Variants in DNAH3 observed in about 807,000 individuals in gnomAD.
DNAH3 encodes axonemal beta dynein heavy chain 3.
In DNAH3, 332 loss-of-function variants were observed where a neutral mutation model predicts 432.5. That is an observed-to-expected ratio of 0.77 (90% CI 0.70 to 0.84). The LOEUF is 0.84. Among genes scored for constraint, DNAH3 ranks in the 40% least tolerant of loss-of-function variants. The pLI, the probability that DNAH3 is intolerant of heterozygous loss-of-function variation, is 0.00. For synonymous variants in DNAH3, 1,956 were observed against 1,900.2 expected, an observed-to-expected ratio of 1.03 and a Z score of -0.76; for missense variants, 4,861 against 5,114.0, an observed-to-expected ratio of 0.95 and a Z score of 1.51.
intron 37 of DNAH3, among the ~76,000 whole-genome samples, chr16:21,029,850 G>C (rs536149484): frequency 6.6e-6 from 1 of 152,132 alleles, no homozygotes; most frequent in South Asian, 2.1e-4. Context: ...TTTGAGACAA[G>C]GTCTTTCTCT....
At chr16:21,043,612 T>C in intron 31 of DNAH3, among the ~76,000 whole-genome samples, 1 of 45,198 alleles carries the variant, frequency 2.2e-5, no homozygotes, top group African/African-American at 1.0e-4. Context: ...TTTTCTCCCA[T>C]TTTGTAGGTT....
intron 1 of DNAH3, among the ~76,000 whole-genome samples, chr16:21,157,617 A>G (rs1346683670): frequency 6.6e-6 from 1 of 152,114 alleles, no homozygotes; most frequent in African/African-American, 2.4e-5. Flanking sequence ...GGTGTGAGCC[A>G]CCGCACCCTG....
intron 3 of DNAH3, among the ~76,000 whole-genome samples, chr16:21,144,348 C>T (rs2092755991): frequency 6.6e-6 from 1 of 152,174 alleles, no homozygotes; most frequent in Non-Finnish European, 1.5e-5. Context: ...CTCCCCCTCC[C>T]TCGCTCTAAG....
chr16:21,028,543 C>T (rs2088694658), intron 37 of DNAH3, among the ~76,000 whole-genome samples: 1 of 150,936 alleles, frequency 6.6e-6, no homozygotes, highest in South Asian at 2.1e-4. Flanking sequence ...TGGTGGCACG[C>T]ATCTGTAATC....
At chr16:21,058,107 G>C (rs778531666) in exon 27 of DNAH3, 147 of 1,610,468 alleles carry the variant, frequency 9.1e-5, no homozygotes, top group Non-Finnish European at 1.1e-4. Flanking sequence ...TTTCCGCCAG[G>C]GCTTGGGACA....
chr16:21,033,608 C>A (rs2089006031), intron 36 of DNAH3, among the ~76,000 whole-genome samples: 1 of 152,030 alleles, frequency 6.6e-6, no homozygotes, highest in African/African-American at 2.4e-5. Context: ...GGGAAGGGAA[C>A]AGGAAAAGAA....
chr16:21,044,989 G>T (rs1027917231), intron 31 of DNAH3, among the ~76,000 whole-genome samples: 5 of 151,910 alleles, frequency 3.3e-5, no homozygotes, highest in East Asian at 1.9e-4. Context: ...TTGATTTGCG[G>T]ATATTGAACC....
chr16:20,952,689 A>T (rs2084369793), intron 55 of DNAH3, 140 bp from the exon 56 acceptor site: 1 of 608,210 alleles, frequency 1.6e-6, no homozygotes, highest in African/African-American at 1.8e-5. Context: ...GAGGCCAACT[A>T]TTAGCCTGGA....
At chr16:21,049,827 T>C in intron 30 of DNAH3, 83 bp downstream of exon 30, 1 of 1,384,146 alleles carries the variant, frequency 7.2e-7, no homozygotes, top group South Asian at 1.2e-5. Flanking sequence ...TGCTAAACCA[T>C]CTTAAAGTTG....
chr16:21,019,968 A>G (rs940475297), intron 40 of DNAH3, 99 bp from the exon 41 acceptor site: 1 of 1,381,058 alleles, frequency 7.2e-7, no homozygotes, highest in Non-Finnish European at 9.9e-7. Context: ...TCTGGGCCAG[A>G]AGGGCGACTG....
chr16:20,981,735 GATAAATAA>G (rs907707159), intron 49 of DNAH3, among the ~76,000 whole-genome samples: 7 of 151,326 alleles, frequency 4.6e-5, no homozygotes, highest in African/African-American at 1.5e-4. Flanking sequence ...AAAATAAATA[GATAAATAA>G]ATAAATAAAT....
chr16:20,979,999 C>T (rs1383724867), intron 49 of DNAH3, among the ~76,000 whole-genome samples: 2 of 151,094 alleles, frequency 1.3e-5, no homozygotes, highest in African/African-American at 4.9e-5. Context: ...ATCTGCCCAC[C>T]TTGGCCTCCC....
rs146736706 is a variant in DNAH3, at chr16:21,085,405, A to G, written c.2877+1444T>C. On this transcript the variant is annotated intron_variant, in intron 19 of 61. Coordinates refer to ENST00000261383, the Ensembl canonical transcript of DNAH3. ...CTAAAAATACAAAAATTAGCAGGGC[A>G]TGGTGGCACGTGCCTGCAATCCCAG... is the stretch of plus-strand genomic sequence containing the variant. Among the ~76,000 whole-genome samples, 4 of 151,256 alleles carry G rather than the reference A, an allele frequency of 2.6e-5. No individual in the cohort carries two copies. In the East Asian group the frequency reaches 5.9e-4, roughly 22 times the overall value.
intron 24 of DNAH3, among the ~76,000 whole-genome samples, chr16:21,066,157 G>GC (rs2090539805): frequency 7.1e-6 from 1 of 141,644 alleles, no homozygotes; most frequent in South Asian, 2.3e-4. Flanking sequence ...ATCATTTTTT[G>GC]TTTTTTTTTT....
chr16:20,980,234 AT>A (rs1297579557), intron 49 of DNAH3, among the ~76,000 whole-genome samples: 26 of 103,700 alleles, frequency 2.5e-4, no homozygotes, highest in South Asian at 1.4e-3. Context: ...ATTTATTTAT[AT>A]TATATATATA....
At chr16:21,133,070 G>A (rs527777768) in intron 7 of DNAH3, among the ~76,000 whole-genome samples, 4 of 151,998 alleles carry the variant, frequency 2.6e-5, no homozygotes, top group South Asian at 2.1e-4. Context: ...GAATAAGACC[G>A]TCCGGGCGTG....
exon 3 of DNAH3, chr16:21,145,358 A>G: frequency 6.2e-7 from 1 of 1,614,192 alleles, no homozygotes; most frequent in South Asian, 1.1e-5. Context: ...GCCAAGGTCC[A>G]TGACGTGCGT....
chr16:21,062,870 A>G (rs142885309), intron 24 of DNAH3, 187 bp from the exon 25 acceptor site: 328 of 590,666 alleles, frequency 5.6e-4, no homozygotes, highest in Non-Finnish European at 8.6e-4. Flanking sequence ...TGCTTTTCTT[A>G]AGAGATGAGG....
At chr16:21,061,625 T>C (rs2090364906) in intron 25 of DNAH3, among the ~76,000 whole-genome samples, 1 of 152,250 alleles carries the variant, frequency 6.6e-6, no homozygotes, top group African/African-American at 2.4e-5. Context: ...ATTGCATCTT[T>C]TAAATGAACA....
Sources: allele counts gnomAD v4.1 joint callset (sites outside exome capture counted in the v4.1 genomes callset), GRCh38; gene constraint gnomAD v4.1.1; transcripts MANE v1.5; gene names NCBI Gene and HGNC (gene_info 2026-07-23, HGNC 2026-07-21).